MCTP1: variants seen among roughly 807,000 people sequenced by gnomAD.
MCTP1 encodes the protein multiple C2 and transmembrane domain containing 1.
MCTP1 carries 69 observed loss-of-function variants against 120.6 expected under a neutral mutation model. The ratio of observed to expected loss-of-function variants is 0.57; its 90% CI spans 0.47 to 0.70. The LOEUF is 0.70. Among genes scored for constraint, MCTP1 ranks in the 30% least tolerant of loss-of-function variants. MCTP1 has a pLI of 0.00. For synonymous variants in MCTP1, 529 were observed against 493.1 expected, an observed-to-expected ratio of 1.07 and a Z score of -0.96; for missense variants, 1,203 against 1,248.8, an observed-to-expected ratio of 0.96 and a Z score of 0.55.
At chr5:94,980,004 C>T (rs1829046980) in intron 2 of MCTP1, among the ~76,000 whole-genome samples, 1 of 151,924 alleles carries the variant, frequency 6.6e-6, no homozygotes, top group Admixed American at 6.6e-5. Context: ...TTAAAAAATA[C>T]CTTAAAAATT....
At chr5:95,191,609 A>G (rs1749834101) in intron 1 of MCTP1, among the ~76,000 whole-genome samples, 1 of 151,924 alleles carries the variant, frequency 6.6e-6, no homozygotes, top group African/African-American at 2.4e-5. Context: ...CCTTTGTTTC[A>G]TTTCTTCAAA....
At chr5:95,119,809 T>A (rs1758071009) in intron 1 of MCTP1, among the ~76,000 whole-genome samples, 1 of 152,054 alleles carries the variant, frequency 6.6e-6, no homozygotes, top group Non-Finnish European at 1.5e-5. Flanking sequence ...CCTATTAAGA[T>A]TGAACCATGA....
intron 1 of MCTP1, among the ~76,000 whole-genome samples, chr5:95,273,281 A>G (rs1759553020): frequency 1.3e-5 from 2 of 152,384 alleles, no homozygotes; most frequent in South Asian, 4.1e-4. Flanking sequence ...AGGAATGGAT[A>G]GAATATCATT....
chr5:95,281,738 G>A (rs1760336679), intron 1 of MCTP1, among the ~76,000 whole-genome samples: 1 of 152,038 alleles, frequency 6.6e-6, no homozygotes, highest in Non-Finnish European at 1.5e-5. Context: ...AATCTCATTC[G>A]TGACAAAATA....
Position 95,283,900 on chromosome 5 carries a change from C to T in MCTP1, c.676G>A (p.Glu226Lys), listed in dbSNP as rs1221312520. Residue 226 changes from glutamate to lysine, a missense_variant, in exon 1 of 23, where the codon GAG becomes AAG. Physicochemically the swap from Glu to Lys is moderately conservative, Grantham distance 56. Around this residue, in one of 2 missense-constraint regions of MCTP1, gnomAD observed 463 missense variants for 377.8 expected, o/e 1.23. Coordinates refer to ENST00000515393, the MANE Select transcript of MCTP1 (RefSeq NM_024717.7). ...TCGCCCGTCTCCGGGGCCCGAGACTCCGCGGGACTCCGCGCCGGCTCTGCG... is the reference window on the plus strand; with the variant it reads ...TCGCCCGTCTCCGGGGCCCGAGACTTCGCGGGACTCCGCGCCGGCTCTGCG... Reference protein sequence around the residue: ...PPAEPARSPAESRAPETGEEH... With the variant: ...PPAEPARSPAKSRAPETGEEH... The T allele has an allele frequency of 1.4e-6, 2 of 1,391,644 alleles. No individual in the cohort carries two copies. The highest frequency in any genetic ancestry group is 3.5e-5 in the Admixed American group (1 of 28,170). 86.2% of individuals were successfully genotyped at this position (1,391,644 alleles called of 1,614,324 possible).
chr5:95,036,872 T>C (rs1316007209), intron 1 of MCTP1, among the ~76,000 whole-genome samples: 1 of 152,072 alleles, frequency 6.6e-6, no homozygotes, highest in Non-Finnish European at 1.5e-5. Context: ...CTCCTTCCCA[T>C]ATTCAAGGTT....
intron 10 of MCTP1, among the ~76,000 whole-genome samples, chr5:94,897,357 C>T (rs1036174427): frequency 1.3e-5 from 2 of 150,742 alleles, no homozygotes; most frequent in African/African-American, 4.9e-5. Context: ...AGCCACCACA[C>T]CCAGCCCTGG....
intron 17 of MCTP1, among the ~76,000 whole-genome samples, chr5:94,810,206 A>T (rs1475631866): frequency 6.6e-6 from 1 of 152,142 alleles, no homozygotes; most frequent in African/African-American, 2.4e-5. Flanking sequence ...AGTGAGGTAA[A>T]GATTTATTAG....
At chr5:94,840,090 T>A (rs776247136) in intron 17 of MCTP1, among the ~76,000 whole-genome samples, 1 of 152,168 alleles carries the variant, frequency 6.6e-6, no homozygotes, top group South Asian at 2.1e-4. Flanking sequence ...GTCCTTTGAA[T>A]TAACCTGGAA....
chr5:95,098,142 A>G (rs1054792923), intron 1 of MCTP1, among the ~76,000 whole-genome samples: 7 of 152,308 alleles, frequency 4.6e-5, no homozygotes, highest in Middle Eastern at 3.4e-3. Flanking sequence ...GAAGATAAAT[A>G]TATTCCCAAC....
chr5:95,102,354 C>T (rs932433286), intron 1 of MCTP1, among the ~76,000 whole-genome samples: 2 of 152,200 alleles, frequency 1.3e-5, no homozygotes, highest in Admixed American at 6.5e-5. Context: ...GCCAGGCCAA[C>T]AGCAGAAGAA....
chr5:95,167,043 T>C (rs955403210), intron 1 of MCTP1, among the ~76,000 whole-genome samples: 6 of 152,034 alleles, frequency 3.9e-5, no homozygotes, highest in African/African-American at 1.2e-4. Context: ...ATTAGGTATA[T>C]CTCCTAATGC....
chr5:94,750,014 A>G lies in MCTP1; in HGVS notation c.2610+29096T>C, dbSNP rs1372927335. Among the ~76,000 whole-genome samples the G allele has an allele frequency of 3.3e-5, 5 of 152,344 alleles. No individual in the cohort carries two copies. In the Middle Eastern group the frequency reaches 0.01, roughly 311 times the overall value. Reference sequence around the variant, plus strand: ...TTCAGTCTGTACAATCACTTGGTAAAATCTACGTCCTTTAGTAGAAAACTT... The same window carrying G: ...TTCAGTCTGTACAATCACTTGGTAAGATCTACGTCCTTTAGTAGAAAACTT... On this transcript the variant is annotated intron_variant, in intron 19 of 22. Transcript: ENST00000515393.
chr5:94,940,573 T>TATATACATATATATGTATATATATATAC (rs1817386806), intron 4 of MCTP1, among the ~76,000 whole-genome samples: 1 of 144,824 alleles, frequency 6.9e-6, no homozygotes, highest in Non-Finnish European at 1.5e-5. Flanking sequence ...AATATATATA[T>TATATACATATATATGTATATATATATAC]ATACATATAT....
At chr5:95,181,502 C>T (rs1053923364) in intron 1 of MCTP1, among the ~76,000 whole-genome samples, 1 of 152,168 alleles carries the variant, frequency 6.6e-6, no homozygotes, top group Non-Finnish European at 1.5e-5. Context: ...TAAAAGAGCA[C>T]TTCCTGTTCG....
At chr5:95,109,015 T>C (rs962921855) in intron 1 of MCTP1, among the ~76,000 whole-genome samples, 2 of 152,222 alleles carry the variant, frequency 1.3e-5, no homozygotes, top group African/African-American at 4.8e-5. Flanking sequence ...GTAAGACTGA[T>C]AGATGCCTGG....
intron 1 of MCTP1, among the ~76,000 whole-genome samples, chr5:95,257,914 A>C (rs1758064650): frequency 6.6e-6 from 1 of 152,178 alleles, no homozygotes; most frequent in African/African-American, 2.4e-5. Context: ...GCAAAGAAAT[A>C]AATACAGTAA....
At chr5:94,947,274 G>A (rs1257752702) in intron 3 of MCTP1, among the ~76,000 whole-genome samples, 3 of 151,994 alleles carry the variant, frequency 2.0e-5, no homozygotes, top group African/African-American at 7.2e-5. Flanking sequence ...GACAATGGAT[G>A]TACGGATAAT....
At position 95,172,992 on chromosome 5, in the gene MCTP1, CT is replaced by C. The variant is rs1028307376; in HGVS notation, c.720+110863del. Among the ~76,000 whole-genome samples, 3 of 151,848 alleles carry C rather than the reference CT, an allele frequency of 2.0e-5. No homozygotes were observed. The East Asian group carries it at 5.8e-4, about 29-fold the overall frequency. The stretch of plus-strand genomic sequence containing the variant: ...GATTATAGACCATATTAATTTCAGC[CT>C]TTTTTTTAGGAAAAGAAGTTGTTCT... On this transcript the variant is annotated intron_variant, in intron 1 of 22. Transcript: ENST00000515393.
Sources: allele counts gnomAD v4.1 joint callset (sites outside exome capture counted in the v4.1 genomes callset), GRCh38; gene constraint gnomAD v4.1.1; regional missense constraint gnomAD v4.1.1; transcripts MANE v1.5; gene names NCBI Gene and HGNC (gene_info 2026-07-23, HGNC 2026-07-21).